MYO9A: variants seen among roughly 807,000 people sequenced by gnomAD.
MYO9A encodes the protein myosin IXA.
Under a neutral mutation model 293.3 loss-of-function variants are expected in MYO9A, and 103 were observed. The observed-to-expected ratio is 0.35, with a 90% CI of 0.30 to 0.41. The LOEUF (loss-of-function observed/expected upper bound fraction) is 0.41, where lower values mean the gene tolerates loss of function less well. MYO9A is among the 10% of genes least tolerant of loss of function. The pLI is 1.00. For synonymous variants in MYO9A, 1,001 were observed against 1,035.7 expected (o/e 0.97, Z 0.64); for missense variants, 2,685 against 3,033.0 (o/e 0.89, Z 2.69).
intron 18 of MYO9A, among the ~76,000 whole-genome samples, chr15:71,923,426 T>C (rs1232100967): frequency 6.6e-6 from 1 of 152,190 alleles, no homozygotes; most frequent in African/African-American, 2.4e-5. Flanking sequence ...GAAATAGTTT[T>C]AAAAGGACTG....
chr15:71,833,181 T>C (rs1408689167), intron 39 of MYO9A, among the ~76,000 whole-genome samples: 4 of 151,660 alleles, frequency 2.6e-5, no homozygotes, highest in Middle Eastern at 6.3e-3. Context: ...GATGAAATGC[T>C]CCTATTAAAA....
chr15:71,961,112 A>G (rs994771831), intron 13 of MYO9A, among the ~76,000 whole-genome samples: 3 of 152,220 alleles, frequency 2.0e-5, no homozygotes, highest in African/African-American at 7.2e-5. Context: ...GAATTATTCA[A>G]AGAAAGAATG....
chr15:71,847,558 G>C (rs957484063), intron 39 of MYO9A: 2 of 385,150 alleles, frequency 5.2e-6, no homozygotes, highest in Admixed American at 4.8e-5. Context: ...TCTTGCAATG[G>C]ACTGAATATC....
chr15:72,074,545 G>T lies in MYO9A; in HGVS notation c.-71-27911C>A, dbSNP rs187317525. Among the ~76,000 whole-genome samples, 7 of 152,310 alleles carry T rather than the reference G, an allele frequency of 4.6e-5. No homozygotes were observed. In the East Asian group the frequency reaches 1.3e-3, roughly 29 times the overall value. ...ACAGGAATGAATAATCCTATAGACT[G>T]ATACGATGGACCAAATTCCAAAGAA... is the stretch of plus-strand genomic sequence containing the variant. On this transcript the variant is annotated intron_variant, in intron 1 of 41. Transcript: ENST00000356056.
intron 14 of MYO9A, among the ~76,000 whole-genome samples, chr15:71,954,333 TG>T (rs2059130140): frequency 6.6e-6 from 1 of 152,194 alleles, no homozygotes; most frequent in Non-Finnish European, 1.5e-5. Flanking sequence ...CCTGAGTAGC[TG>T]GAACTACAGG....
At chr15:71,843,961 T>G (rs1005707266) in intron 39 of MYO9A, among the ~76,000 whole-genome samples, 2 of 152,272 alleles carry the variant, frequency 1.3e-5, no homozygotes, top group African/African-American at 4.8e-5. Context: ...GACCCCATAG[T>G]ACTAATGTCT....
intron 6 of MYO9A, among the ~76,000 whole-genome samples, chr15:72,018,725 G>C (rs192204468): frequency 4.6e-5 from 7 of 152,192 alleles, no homozygotes; most frequent in African/African-American, 1.7e-4. Flanking sequence ...AAAAACCATA[G>C]TTCATACAAA....
intron 1 of MYO9A, among the ~76,000 whole-genome samples, chr15:72,107,614 G>T (rs777726511): frequency 2.0e-5 from 3 of 151,726 alleles, no homozygotes; most frequent in Non-Finnish European, 2.9e-5. Flanking sequence ...TCCACTGTAA[G>T]AAGACAAAGC....
chr15:71,954,240 G>A (rs1308759760), intron 14 of MYO9A, among the ~76,000 whole-genome samples: 2 of 149,378 alleles, frequency 1.3e-5, no homozygotes, highest in South Asian at 2.1e-4. Flanking sequence ...TTGCTCTGTC[G>A]CCCAGGCTGG....
chr15:71,899,024 G>T lies in MYO9A; in HGVS notation c.3479C>A (p.Ala1160Asp). The T allele has an allele frequency of 6.3e-7, 1 of 1,594,086 alleles. No homozygotes were observed. Among genetic ancestry groups the T allele is most frequent in the Non-Finnish European group, 8.5e-7 (1 of 1,170,772 alleles). Residue 1160 changes from alanine to aspartate, a missense_variant, in exon 25 of 42, where the codon GCT becomes GAT. Physicochemically the swap from Ala to Asp is moderately radical, Grantham distance 126. Coordinates refer to ENST00000356056, the MANE Select transcript of MYO9A (RefSeq NM_006901.4). ...RGFRARQRFK[A>D]LKEQRLRETK... Reference sequence around the variant, plus strand: ...TTCTCTTAGCCTTTGTTCTTTTAAAGCTTTAAATCTATATAAAAACAGACA... The same window carrying T: ...TTCTCTTAGCCTTTGTTCTTTTAAATCTTTAAATCTATATAAAAACAGACA...
chr15:71,995,680 T>C (rs1232065211), intron 9 of MYO9A, among the ~76,000 whole-genome samples: 2 of 152,106 alleles, frequency 1.3e-5, no homozygotes, highest in African/African-American at 4.8e-5. Flanking sequence ...ATTCTGAAGC[T>C]TGTATATTCA....
At position 71,991,249 on chromosome 15, in the gene MYO9A, G is replaced by T. The variant is rs375897208; in HGVS notation, c.1588-12C>A. Reference sequence around the variant, plus strand: ...CCAATAGACAATGTCTGTAAAACAAGAGAAAGTTTTGATTAAAAGTAATGT... The same window carrying T: ...CCAATAGACAATGTCTGTAAAACAATAGAAAGTTTTGATTAAAAGTAATGT... On this transcript the variant is annotated splice_polypyrimidine_tract_variant and intron_variant, in intron 10 of 41. Coordinates refer to ENST00000356056, the MANE Select transcript of MYO9A (RefSeq NM_006901.4). 3.2e-6 allele frequency: 5 copies of T among 1,563,420 alleles called. No homozygotes were observed. In the African/African-American group the frequency reaches 6.9e-5, roughly 22 times the overall value.
intron 1 of MYO9A, among the ~76,000 whole-genome samples, chr15:72,072,290 C>T (rs1210679039): frequency 6.6e-6 from 1 of 151,898 alleles, no homozygotes; most frequent in African/African-American, 2.4e-5. Flanking sequence ...CGCCACCACG[C>T]CTGGCTAATT....
chr15:71,906,758 C>CTTTTTTTTTTTTT (rs71131714), intron 19 of MYO9A, among the ~76,000 whole-genome samples: 6 of 61,012 alleles, frequency 9.8e-5, no homozygotes, highest in African/African-American at 1.9e-4. Context: ...CCATTTCTTT[C>CTTTTTTTTTTTTT]TTTTTTTTTT....
At chr15:72,011,289 G>A (rs2077166912) in intron 6 of MYO9A, among the ~76,000 whole-genome samples, 2 of 151,714 alleles carry the variant, frequency 1.3e-5, no homozygotes, top group South Asian at 4.1e-4. Flanking sequence ...TAGAATTACA[G>A]GCGTGAGCCA....
chr15:71,896,957 T>C lies in MYO9A; in HGVS notation c.5042+504A>G, dbSNP rs147843822. The C allele has an allele frequency of 2.0e-5, 3 of 153,114 alleles. No individual in the cohort carries two copies. In the East Asian group the frequency reaches 5.8e-4, roughly 29 times the overall value. The allele number at this position is 153,114 out of a possible 1,614,324, so 9.5% of individuals were successfully genotyped here. ...TAGAGATCTTTTGCAAAACAATGTATATACAGTTAACACTACTGTACTATA... is the reference window on the plus strand; with the variant it reads ...TAGAGATCTTTTGCAAAACAATGTACATACAGTTAACACTACTGTACTATA... On this transcript the variant is annotated intron_variant, in intron 25 of 41. Transcript: ENST00000356056.
chr15:72,075,946 T>TA (rs1284992553), intron 1 of MYO9A, among the ~76,000 whole-genome samples: 1 of 152,082 alleles, frequency 6.6e-6, no homozygotes, highest in Admixed American at 6.5e-5. Flanking sequence ...GTACCAGTGG[T>TA]AACAGCAAGT....
chr15:71,849,935 C>CTCAATTTA, intron 38 of MYO9A, 101 bp downstream of exon 38: 2 of 944,220 alleles, frequency 2.1e-6, no homozygotes, highest in Non-Finnish European at 2.9e-6. Flanking sequence ...TTAAAAACAC[C>CTCAATTTA]TGAATTTATG....
intron 15 of MYO9A, among the ~76,000 whole-genome samples, chr15:71,944,593 G>A (rs1331854452): frequency 6.6e-6 from 1 of 152,064 alleles, no homozygotes; most frequent in Non-Finnish European, 1.5e-5. Flanking sequence ...AGTGCTATTT[G>A]TTTAAAAGAC....
Sources: gnomAD v4.1 joint callset for allele counts (sites outside exome capture counted in the v4.1 genomes callset) on GRCh38, gnomAD v4.1.1 for gene constraint, MANE v1.5 for transcripts, NCBI Gene and HGNC (gene_info 2026-07-23, HGNC 2026-07-21) for gene names.